CEPT1: variants seen among roughly 807,000 people sequenced by gnomAD.
The protein encoded by CEPT1 is choline/ethanolaminephosphotransferase 1.
Under a neutral mutation model 42.6 loss-of-function variants are expected in CEPT1, and 7 were observed. The ratio of observed to expected loss-of-function variants is 0.16; its 90% CI spans 0.09 to 0.31. The LOEUF (loss-of-function observed/expected upper bound fraction) is 0.31. Ranked by LOEUF, CEPT1 falls within the 10% of genes least tolerant of loss-of-function variation. The pLI, the probability that CEPT1 is intolerant of heterozygous loss-of-function variation, is 1.00. For missense variants in CEPT1, 306 were observed against 502.1 expected, an observed-to-expected ratio of 0.61 and a Z score of 3.73; for synonymous variants, 171 against 171.9, an observed-to-expected ratio of 0.99 and a Z score of 0.04.
At chr1:111,142,460 C>A (rs1471342880) in intron 1 of CEPT1, among the ~76,000 whole-genome samples, 1 of 152,068 alleles carries the variant, frequency 6.6e-6, no homozygotes, top group South Asian at 2.1e-4. Flanking sequence ...TTATTAAATA[C>A]TAGACGAATA....
chr1:111,147,673 AG>A lies in CEPT1; in HGVS notation c.-39del, dbSNP rs1353513395. 7.0e-7 allele frequency: 1 copy of A among 1,425,140 alleles called. No homozygotes were observed. Among genetic ancestry groups the A allele is most frequent in the African/African-American group, 1.4e-5 (1 of 69,718 alleles). 88.3% of individuals were successfully genotyped at this position (1,425,140 alleles called of 1,614,324 possible). ...ACCAGCCACAAAAACCTACAAAAGAAGGGAAATTACTGTCTTTAAATATTAA... is the reference window on the plus strand; with the variant it reads ...ACCAGCCACAAAAACCTACAAAAGAAGGAAATTACTGTCTTTAAATATTAA... On this transcript the variant is annotated 5_prime_UTR_variant, in exon 2 of 9. Transcript: ENST00000357172.
chr1:111,150,536 T>C (rs1345710930), intron 2 of CEPT1, among the ~76,000 whole-genome samples: 1 of 152,200 alleles, frequency 6.6e-6, no homozygotes, highest in Non-Finnish European at 1.5e-5. Flanking sequence ...GAAATTCTCC[T>C]TCATTGTATC....
chr1:111,150,768 GA>G (rs1284569989), intron 2 of CEPT1, among the ~76,000 whole-genome samples: 3 of 152,288 alleles, frequency 2.0e-5, no homozygotes, highest in African/African-American at 7.2e-5. Context: ...TAGTAGATAA[GA>G]AAATAAGTTA....
chr1:111,170,483 A>G (rs1656364736), intron 4 of CEPT1, among the ~76,000 whole-genome samples: 1 of 152,186 alleles, frequency 6.6e-6, no homozygotes, highest in Admixed American at 6.5e-5. Flanking sequence ...ACTCCAAGTT[A>G]TCTCTCAGTT....
chr1:111,160,237 T>C lies in CEPT1; in HGVS notation c.487+710T>C, dbSNP rs1231859356. 6 of 152,358 alleles carry C rather than the reference T, an allele frequency of 3.9e-5. No individual in the cohort carries two copies. The East Asian group carries it at 1.2e-3, about 29-fold the overall frequency. The allele number at this position is 152,358 out of a possible 1,614,324, so 9.4% of individuals were successfully genotyped here. ...GCAAGTTTTTAAAATAGTAGTTTAT[T>C]ATGTTTTTAGAGAGGAAAAAGACAC... is the stretch of plus-strand genomic sequence containing the variant. On this transcript the variant is annotated intron_variant, in intron 3 of 8. Transcript: ENST00000357172.
rs182535022 is a variant in CEPT1, at chr1:111,154,166, C to T, written c.340-5214C>T. On this transcript the variant is annotated intron_variant, in intron 2 of 8. Transcript: ENST00000357172. ...TTTCATTGTGGAGATCTTTCAACTC[C>T]TTGGTTAAATTTATTCCCAAGTATT... Among the ~76,000 whole-genome samples the T allele has an allele frequency of 3.3e-5, 5 of 150,436 alleles. No homozygotes were observed. The East Asian group carries it at 9.8e-4, about 29-fold the overall frequency.
chr1:111,140,738 G>T (rs1466989100), intron 1 of CEPT1: 1 of 152,296 alleles, frequency 6.6e-6, no homozygotes, highest in African/African-American at 2.4e-5. Flanking sequence ...TCCACACACC[G>T]TGTGGCATCC....
chr1:111,170,790 T>G (rs1247255745), intron 4 of CEPT1, among the ~76,000 whole-genome samples: 1 of 152,152 alleles, frequency 6.6e-6, no homozygotes, highest in Non-Finnish European at 1.5e-5. Flanking sequence ...GATGATTTTT[T>G]TAAACAAAAT....
intron 1 of CEPT1, among the ~76,000 whole-genome samples, chr1:111,143,280 T>C (rs954050815): frequency 6.6e-6 from 1 of 152,244 alleles, no homozygotes; most frequent in Admixed American, 6.5e-5. Context: ...TGGATTATTC[T>C]TCCTCCTCCC....
chr1:111,177,938 T>C (rs137911529), intron 5 of CEPT1, among the ~76,000 whole-genome samples: 2 of 152,354 alleles, frequency 1.3e-5, no homozygotes, highest in East Asian at 1.9e-4. Flanking sequence ...TCTGGTGATA[T>C]ATTTGGAGAC....
chr1:111,156,239 T>C (rs1655564655), intron 2 of CEPT1, among the ~76,000 whole-genome samples: 1 of 152,250 alleles, frequency 6.6e-6, no homozygotes, highest in Non-Finnish European at 1.5e-5. Context: ...TTTCTAGTTT[T>C]GTTCCATTGT....
At position 111,161,287 on chromosome 1, in the gene CEPT1, G is replaced by T; in HGVS notation, c.620G>T (p.Arg207Leu). 2 of 1,607,728 alleles carry T rather than the reference G, an allele frequency of 1.2e-6. No homozygotes were observed. The highest frequency in any genetic ancestry group is 1.7e-6 in the Non-Finnish European group (2 of 1,177,756). ...CAAACGTATGTTTCTGGAACATTGC[G>T]ATTTGGAATGTAAGTAATACTTAAT... Reference protein sequence around the residue: ...HWQTYVSGTLRFGIIDVTEVQ... With the variant: ...HWQTYVSGTLLFGIIDVTEVQ... The change falls in exon 4 of 9, where the codon CGA becomes CTA. Residue 207 changes from arginine to leucine, a missense_variant. This residue lies in a region of CEPT1 where 253 missense variants were observed against 447.3 expected (regional missense o/e 0.57). Transcript: ENST00000357172.
rs777035244 is a variant in CEPT1, at chr1:111,182,793, G to A, written c.847-6G>A. On this transcript the variant is annotated splice_region_variant and splice_polypyrimidine_tract_variant and intron_variant, in intron 6 of 8. Coordinates refer to ENST00000357172, the MANE Select transcript of CEPT1 (RefSeq NM_006090.5). Reference sequence around the variant, plus strand: ...TACTATTAACTCTTCTCTTCACTCTGTACAGGGAACAAGTGTCCTTTCTCC... The same window carrying A: ...TACTATTAACTCTTCTCTTCACTCTATACAGGGAACAAGTGTCCTTTCTCC... The A allele has an allele frequency of 4.3e-6, 7 of 1,609,818 alleles. No individual in the cohort carries two copies. In the Admixed American group the frequency reaches 5.0e-5, roughly 12 times the overall value.
At position 111,143,139 on chromosome 1, in the gene CEPT1, C is replaced by G. The variant is rs147991257; in HGVS notation, c.-74+2832C>G. On this transcript the variant is annotated intron_variant, in intron 1 of 8. Coordinates refer to ENST00000357172, the MANE Select transcript of CEPT1 (RefSeq NM_006090.5). ...CCATTACATCCAAGTAAAATGACAA[C>G]TCTGCGTTAATTCTCCAAACTTCAT... Among the ~76,000 whole-genome samples, 49 of 152,358 alleles carry G rather than the reference C, an allele frequency of 3.2e-4. No individual in the cohort carries two copies. The East Asian group carries it at 7.5e-3, about 23-fold the overall frequency.
At chr1:111,163,724 T>A (rs1655990144) in intron 4 of CEPT1, among the ~76,000 whole-genome samples, 2 of 152,192 alleles carry the variant, frequency 1.3e-5, no homozygotes, top group Non-Finnish European at 2.9e-5. Context: ...ATAGAATCTA[T>A]AGAATACATA....
rs112283565 is a variant in CEPT1 at position 111,171,989 on chromosome 1, G to A, written c.630-2890G>A. The stretch of plus-strand genomic sequence containing the variant: ...CTACCTCAGGTGATCCGCCTGCCTC[G>A]GCCTCCCCAAAGTGCTGGGATTACA... On this transcript the variant is annotated intron_variant, in intron 4 of 8. Transcript: ENST00000357172. Among the ~76,000 whole-genome samples the A allele has an allele frequency of 3.2e-3, 490 of 152,220 alleles. 3 individuals carry two copies. Among genetic ancestry groups the A allele is most frequent in the Middle Eastern group, 0.017 (5 of 292 alleles).
Position 111,182,835 on chromosome 1 carries a change from T to C in CEPT1, c.883T>C (p.Ser295Pro). The change falls in exon 7 of 9, where the codon TCA (serine) becomes CCA (proline). Residue 295 changes from serine (S) to proline (P), a missense_variant. Transcript: ENST00000357172. ...CCTTTCTCCTTTTCTCCATATTGGA[T>C]CAGTGATTACATTAGCTGCAATGAT... ...SVLSPFLHIG[S>P]VITLAAMIYK... The C allele has an allele frequency of 5.0e-6, 8 of 1,613,630 alleles. No homozygotes were observed. The highest frequency in any genetic ancestry group is 6.8e-6 in the Non-Finnish European group (8 of 1,179,628).
chr1:111,173,690 A>G (rs1174659934), intron 4 of CEPT1, among the ~76,000 whole-genome samples: 4 of 152,112 alleles, frequency 2.6e-5, no homozygotes, highest in Admixed American at 6.5e-5. Context: ...ATACTCCCCA[A>G]TAGGTAGCCA....
At chr1:111,169,687 A>G (rs1205189725) in intron 4 of CEPT1, among the ~76,000 whole-genome samples, 1 of 152,180 alleles carries the variant, frequency 6.6e-6, no homozygotes, top group Non-Finnish European at 1.5e-5. Context: ...TGAGATTGTC[A>G]AATATACTTT....
Sources: gnomAD v4.1 joint callset for allele counts (sites outside exome capture counted in the v4.1 genomes callset) on GRCh38, gnomAD v4.1.1 for gene constraint, gnomAD v4.1.1 regional missense constraint, MANE v1.5 for transcripts, NCBI Gene and HGNC (gene_info 2026-07-23, HGNC 2026-07-21) for gene names.